Variants in ULK4 observed in about 807,000 individuals in gnomAD.
ULK4 encodes unc-51 like kinase 4.
Under a neutral mutation model 160.6 loss-of-function variants are expected in ULK4, and 133 were observed. The observed-to-expected ratio is 0.83, with a 90% CI of 0.72 to 0.96. The LOEUF (loss-of-function observed/expected upper bound fraction) is 0.96, where lower values mean the gene tolerates loss of function less well. Ranked by LOEUF, ULK4 falls within the 40% of genes least tolerant of loss-of-function variation. ULK4 has a pLI of 0.00. For missense variants in ULK4, 1,580 were observed against 1,499.5 expected (o/e 1.05, Z -0.89); for synonymous variants, 534 against 539.8 (o/e 0.99, Z 0.15).
At chr3:41,928,949 A>T (rs972480817) in intron 5 of ULK4, among the ~76,000 whole-genome samples, 1 of 152,152 alleles carries the variant, frequency 6.6e-6, no homozygotes. Context: ...AAACTATTAC[A>T]AACAATATAA....
At chr3:41,495,605 G>T (rs922768481) in intron 32 of ULK4, among the ~76,000 whole-genome samples, 2 of 150,390 alleles carry the variant, frequency 1.3e-5, no homozygotes, top group Admixed American at 6.7e-5. Context: ...AAGAGCTTCT[G>T]CACAGCAAAA....
In ULK4 at chr3:41,765,124, C is replaced by T. The variant is rs578121944; in HGVS notation, c.2194-10636G>A. Among the ~76,000 whole-genome samples the T allele has an allele frequency of 3.2e-3, 482 of 152,188 alleles. 2 individuals are homozygous for T. The highest frequency in any genetic ancestry group is 5.0e-3 in the Non-Finnish European group (341 of 68,000). The stretch of plus-strand genomic sequence containing the variant: ...CATGCACACGTTATGTTTATTGAGG[C>T]GCTATTCACAATAGCGAAGACTTGG... On this transcript the variant is annotated intron_variant, in intron 21 of 36. Transcript: ENST00000301831.
At chr3:41,397,968 T>G in intron 35 of ULK4, 111 bp downstream of exon 35, 1 of 1,253,890 alleles carries the variant, frequency 8.0e-7, no homozygotes, top group Admixed American at 2.4e-5. Flanking sequence ...TCTTGACAAC[T>G]CTTGCAAATT....
intron 22 of ULK4, among the ~76,000 whole-genome samples, chr3:41,740,298 A>AC (rs1405350271): frequency 3.3e-5 from 5 of 151,732 alleles, no homozygotes; most frequent in Non-Finnish European, 7.4e-5. Flanking sequence ...TTCACTGATT[A>AC]CCACATTATT....
chr3:41,726,767 C>G (rs115314452), intron 22 of ULK4, among the ~76,000 whole-genome samples: 1 of 152,116 alleles, frequency 6.6e-6, no homozygotes, highest in African/African-American at 2.4e-5. Flanking sequence ...TGCGCCACCA[C>G]GCCAGGCTAA....
Position 41,907,833 on chromosome 3 carries a change from A to G in ULK4, c.1182+12T>C. ...ATCTTATGTAGGAAGAAAATTTCCC[A>G]AGTCTGCTCACCTTGGTCAGAGGAG... On this transcript the variant is annotated intron_variant, in intron 12 of 36. Transcript: ENST00000301831. 1 of 1,536,076 alleles carries G rather than the reference A, an allele frequency of 6.5e-7. No homozygotes were observed. The highest frequency in any genetic ancestry group is 8.8e-7 in the Non-Finnish European group (1 of 1,142,758).
intron 20 of ULK4, among the ~76,000 whole-genome samples, chr3:41,791,686 T>C (rs184060832): frequency 1.2e-4 from 18 of 152,080 alleles, no homozygotes; most frequent in African/African-American, 4.1e-4. Context: ...CTATATTAGA[T>C]ACTTTTTTAC....
Position 41,261,924 on chromosome 3 carries a change from G to A in ULK4, c.3679-12350C>T, listed in dbSNP as rs572619431. On this transcript the variant is annotated intron_variant, in intron 35 of 36. Coordinates refer to ENST00000301831, the MANE Select transcript of ULK4 (RefSeq NM_017886.4). ...TGAGAAGTGAATCAACAGTTTGCTG[G>A]GTAGCCACTGTGGGCCATTATCTCA... Among the ~76,000 whole-genome samples, 104 of 152,294 alleles carry A rather than the reference G, an allele frequency of 6.8e-4. 1 individual carries two copies. The highest frequency in any genetic ancestry group is 2.2e-3 in the African/African-American group (92 of 41,562).
At position 41,690,563 on chromosome 3, in the gene ULK4, C is replaced by T. The variant is rs549232590; in HGVS notation, c.2782-8759G>A. Among the ~76,000 whole-genome samples the T allele has an allele frequency of 2.0e-5, 3 of 151,896 alleles. No individual in the cohort carries two copies. In the South Asian group the frequency reaches 6.2e-4, roughly 32 times the overall value. On this transcript the variant is annotated intron_variant, in intron 27 of 36. Coordinates refer to ENST00000301831, the MANE Select transcript of ULK4 (RefSeq NM_017886.4). ...AACTTTTTGGCTTCTAGGCAGCCCT[C>T]CTCTTTGTTTCTGCCTCCTTTCCTC...
intron 30 of ULK4, among the ~76,000 whole-genome samples, chr3:41,658,429 T>C (rs960313666): frequency 1.3e-5 from 2 of 152,222 alleles, no homozygotes; most frequent in Admixed American, 1.3e-4. Context: ...TGCTTAAATA[T>C]CTTTTGATAA....
chr3:41,464,094 T>G (rs1370581323), intron 32 of ULK4, among the ~76,000 whole-genome samples: 1 of 152,028 alleles, frequency 6.6e-6, no homozygotes, highest in Non-Finnish European at 1.5e-5. Flanking sequence ...TGATGTGTAT[T>G]AAAAGCTATA....
intron 2 of ULK4, among the ~76,000 whole-genome samples, chr3:41,944,960 G>T (rs920303355): frequency 3.9e-5 from 6 of 152,094 alleles, no homozygotes; most frequent in Admixed American, 2.6e-4. Flanking sequence ...TAGTTACAGA[G>T]AACAGAATAT....
intron 16 of ULK4, among the ~76,000 whole-genome samples, chr3:41,894,109 A>G (rs1438656501): frequency 1.3e-5 from 2 of 152,206 alleles, no homozygotes; most frequent in Non-Finnish European, 2.9e-5. Context: ...GGATACTAAA[A>G]CCAATCTCCG....
At chr3:41,279,276 C>CAAAAAAA (rs1347630140) in intron 35 of ULK4, among the ~76,000 whole-genome samples, 7 of 73,640 alleles carry the variant, frequency 9.5e-5, no homozygotes, top group African/African-American at 1.9e-4. Context: ...AAAAAAAAAA[C>CAAAAAAA]AAAACGACAA....
chr3:41,628,104 A>G (rs1401008702), intron 30 of ULK4, among the ~76,000 whole-genome samples: 2 of 152,208 alleles, frequency 1.3e-5, no homozygotes, highest in African/African-American at 4.8e-5. Context: ...GGAAAAATGA[A>G]CTGGAAGAAG....
Position 41,658,731 on chromosome 3 carries a change from A to ACACACACACACACACACACACT in ULK4, c.3071+4875_3071+4876insAGTGTGTGTGTGTGTGTGTGTG, listed in dbSNP as rs1553628707. Among the ~76,000 whole-genome samples the ACACACACACACACACACACACT allele has an allele frequency of 7.1e-4, 96 of 135,240 alleles. 1 individual carries two copies. The highest frequency in any genetic ancestry group is 2.5e-3 in the African/African-American group (95 of 37,268). 88.7% of individuals were successfully genotyped at this position (135,240 alleles called of 152,430 possible). A position where few individuals can be genotyped will look rare whatever the true frequency, so the allele number is the denominator to read the frequency against. ...CTACTGTGTATGTGAAAAACAGTAC[A>ACACACACACACACACACACACT]CACACACACACACACACACACACAC... On this transcript the variant is annotated intron_variant, in intron 30 of 36. Transcript: ENST00000301831.
At chr3:41,692,106 C>CG (rs1459614739) in intron 27 of ULK4, among the ~76,000 whole-genome samples, 2 of 151,312 alleles carry the variant, frequency 1.3e-5, no homozygotes, top group Non-Finnish European at 3.0e-5. Flanking sequence ...CGCCCACCAC[C>CG]GCCCCCGGCT....
chr3:41,838,499 T>C (rs147533780), intron 17 of ULK4, among the ~76,000 whole-genome samples: 1 of 151,882 alleles, frequency 6.6e-6, no homozygotes, highest in Non-Finnish European at 1.5e-5. Context: ...CAAAGAGATA[T>C]ACTTAAAAGC....
chr3:41,945,979 T>A (rs1700100465), intron 2 of ULK4, among the ~76,000 whole-genome samples: 1 of 152,094 alleles, frequency 6.6e-6, no homozygotes, highest in Non-Finnish European at 1.5e-5. Flanking sequence ...GCAAAATTAA[T>A]CTGTGGAGTT....
Sources: gnomAD v4.1 joint callset for allele counts (sites outside exome capture counted in the v4.1 genomes callset) on GRCh38, gnomAD v4.1.1 for gene constraint, MANE v1.5 for transcripts, NCBI Gene and HGNC (gene_info 2026-07-23, HGNC 2026-07-21) for gene names.